RASGRP3: variants seen among roughly 807,000 people sequenced by gnomAD.
The protein encoded by RASGRP3 is ras guanyl-releasing protein 3.
In RASGRP3, 54 loss-of-function variants were observed where a neutral mutation model predicts 82.7. That is an observed-to-expected ratio of 0.65 (90% CI 0.52 to 0.82). The LOEUF (loss-of-function observed/expected upper bound fraction) is 0.82. Ranked by LOEUF, RASGRP3 falls within the 40% of genes least tolerant of loss-of-function variation. The pLI is 0.00. For synonymous variants in RASGRP3, 309 were observed against 300.5 expected, an observed-to-expected ratio of 1.03 and a Z score of -0.29; for missense variants, 861 against 828.9, an observed-to-expected ratio of 1.04 and a Z score of -0.48.
chr2:33,522,686 G>T (rs1043785434), intron 7 of RASGRP3, among the ~76,000 whole-genome samples: 3 of 151,860 alleles, frequency 2.0e-5, no homozygotes, highest in South Asian at 2.1e-4. Flanking sequence ...CTCTCCTCCC[G>T]TTATGGTAAA....
intron 15 of RASGRP3, among the ~76,000 whole-genome samples, chr2:33,556,822 C>G (rs962834824): frequency 2.0e-5 from 3 of 151,098 alleles, no homozygotes; most frequent in African/African-American, 4.9e-5. Context: ...AGCAAAGATA[C>G]TGCAAGATCT....
chr2:33,437,842 AG>A (rs1209602410), intron 1 of RASGRP3, among the ~76,000 whole-genome samples: 1 of 152,008 alleles, frequency 6.6e-6, no homozygotes, highest in Non-Finnish European at 1.5e-5. Flanking sequence ...AAAAAAAGAG[AG>A]GGAAATGAAA....
chr2:33,550,266 T>G (rs1474745767), intron 14 of RASGRP3, among the ~76,000 whole-genome samples: 1 of 152,184 alleles, frequency 6.6e-6, no homozygotes, highest in African/African-American at 2.4e-5. Context: ...TCCATAGACA[T>G]TATGGTAACT....
intron 2 of RASGRP3, among the ~76,000 whole-genome samples, chr2:33,512,134 A>G (rs1670982583): frequency 1.3e-5 from 2 of 152,262 alleles, no homozygotes; most frequent in Non-Finnish European, 2.9e-5. Flanking sequence ...AGAGACTCAG[A>G]CACATCTACT....
chr2:33,560,564 G>A (rs894158189), intron 17 of RASGRP3, among the ~76,000 whole-genome samples: 24 of 152,238 alleles, frequency 1.6e-4, no homozygotes, highest in African/African-American at 5.8e-4. Context: ...TCTCCTGGGG[G>A]GTATGTGATC....
In RASGRP3 at chr2:33,558,943, G is replaced by T. The variant is rs1176802302; in HGVS notation, c.1977G>T (p.Arg659Ser). Residue 659 changes from arginine to serine, a missense_variant, in exon 17 of 18, where the codon AGG (arginine) becomes AGT (serine). Coordinates refer to ENST00000403687, the MANE Select transcript of RASGRP3 (RefSeq NM_001139488.2). Reference sequence around the variant, plus strand: ...CCAAATGGGAAAATGAGAAGCCCAGGGTGCATGCTGGTGTGGATGTTGTAG... The same window carrying T: ...CCAAATGGGAAAATGAGAAGCCCAGTGTGCATGCTGGTGTGGATGTTGTAG... Reference protein sequence around the residue: ...GFAKWENEKPRVHAGVDVVDR... With the variant: ...GFAKWENEKPSVHAGVDVVDR... 2 of 1,613,982 alleles carry T rather than the reference G, an allele frequency of 1.2e-6. No individual in the cohort carries two copies. Among genetic ancestry groups the T allele is most frequent in the South Asian group, 2.2e-5 (2 of 91,080 alleles).
At chr2:33,438,563 A>T (rs1275091017) in intron 1 of RASGRP3, among the ~76,000 whole-genome samples, 352 of 7,748 alleles carry the variant, frequency 0.045, 3 homozygotes, top group African/African-American at 0.22. Context: ...CTCCATCGCC[A>T]AAAAAAAAAA....
chr2:33,464,598 G>C (rs980036121), intron 2 of RASGRP3, among the ~76,000 whole-genome samples: 7 of 151,714 alleles, frequency 4.6e-5, no homozygotes, highest in African/African-American at 1.7e-4. Context: ...TTAGCTACCC[G>C]AATAGCTGGG....
chr2:33,539,088 T>C lies in RASGRP3; in HGVS notation c.1162-6T>C. ...AAAAATATGTGGTTTTTTTTTTGTT[T>C]ATCAGCAGCCTACCTCCCCTACGAC... On this transcript the variant is annotated splice_region_variant and splice_polypyrimidine_tract_variant and intron_variant, in intron 11 of 17. Coordinates refer to ENST00000403687, the MANE Select transcript of RASGRP3 (RefSeq NM_001139488.2). 1 of 1,564,856 alleles carries C rather than the reference T, an allele frequency of 6.4e-7. No individual in the cohort carries two copies. Among genetic ancestry groups the C allele is most frequent in the Non-Finnish European group, 8.7e-7 (1 of 1,154,438 alleles).
rs926520163 is a variant in RASGRP3, at chr2:33,470,154, G to T, written c.-261+22211G>T. Among the ~76,000 whole-genome samples the T allele has an allele frequency of 3.3e-5, 5 of 151,908 alleles. No homozygotes were observed. The South Asian group carries it at 8.3e-4, about 25-fold the overall frequency. ...TTTGACCTGTTTGAAAAATTTATTT[G>T]GGATTTTAAGCAAAATTTGATTATA... On this transcript the variant is annotated intron_variant, in intron 2 of 18. Transcript: ENST00000402538.
intron 13 of RASGRP3, among the ~76,000 whole-genome samples, chr2:33,547,342 C>CTTTTTTTTTTTTTTTTTTTTTTTT (rs59601670): frequency 2.9e-5 from 2 of 68,206 alleles, no homozygotes; most frequent in East Asian, 5.0e-4. Context: ...ATATAGAATC[C>CTTTTTTTTTTTTTTTTTTTTTTTT]TTTTTTTTTT....
chr2:33,541,175 T>G (rs543898372), intron 12 of RASGRP3, among the ~76,000 whole-genome samples: 2 of 147,360 alleles, frequency 1.4e-5, no homozygotes, highest in South Asian at 2.2e-4. Flanking sequence ...ACTTTTTTTA[T>G]TCTTCTCTGA....
At chr2:33,510,243 C>G (rs111430530) in intron 1 of RASGRP3, among the ~76,000 whole-genome samples, 6,781 of 152,122 alleles carry the variant, frequency 0.045, 496 homozygotes, top group African/African-American at 0.16. Flanking sequence ...ATGTGATAGA[C>G]AAGACAATTG....
intron 1 of RASGRP3, among the ~76,000 whole-genome samples, chr2:33,500,092 G>C (rs1465186484): frequency 1.3e-5 from 2 of 152,102 alleles, no homozygotes; most frequent in Non-Finnish European, 2.9e-5. Flanking sequence ...TGGGAGAGGA[G>C]AGACATTCAA....
At chr2:33,473,945 C>G (rs1013972246), upstream of RASGRP3, among the ~76,000 whole-genome samples, 2 of 152,172 alleles carry the variant, frequency 1.3e-5, no homozygotes, top group Non-Finnish European at 2.9e-5. Flanking sequence ...GCATTAGACT[C>G]TCATAAGGAG....
At chr2:33,483,089 A>G (rs975236197) in intron 1 of RASGRP3, among the ~76,000 whole-genome samples, 1 of 152,158 alleles carries the variant, frequency 6.6e-6, no homozygotes. Flanking sequence ...TTCCTGGATT[A>G]TGGTCTATAG....
intron 1 of RASGRP3, among the ~76,000 whole-genome samples, chr2:33,509,816 G>C (rs1194796897): frequency 6.6e-6 from 1 of 152,118 alleles, no homozygotes; most frequent in Non-Finnish European, 1.5e-5. Context: ...ATTCTGTTCG[G>C]TGTCTGGTGT....
chr2:33,456,792 C>T (rs1158423273), intron 2 of RASGRP3, among the ~76,000 whole-genome samples: 1 of 152,094 alleles, frequency 6.6e-6, no homozygotes, highest in African/African-American at 2.4e-5. Context: ...CCAAGGTCTG[C>T]TAGTTTTTTG....
chr2:33,535,902 A>C (rs1391560052), intron 11 of RASGRP3, among the ~76,000 whole-genome samples: 5 of 152,218 alleles, frequency 3.3e-5, no homozygotes. Flanking sequence ...GTATGTGTGC[A>C]TACAGAATTT....
Sources: allele counts gnomAD v4.1 joint callset (sites outside exome capture counted in the v4.1 genomes callset), GRCh38; gene constraint gnomAD v4.1.1; transcripts MANE v1.5; gene names NCBI Gene and HGNC (gene_info 2026-07-23, HGNC 2026-07-21).